Variants in ALPK2 observed in about 807,000 individuals in gnomAD.
The protein encoded by ALPK2 is alpha-protein kinase 2.
Under a neutral mutation model 163.1 loss-of-function variants are expected in ALPK2, and 127 were observed. The observed-to-expected ratio is 0.78, with a 90% CI of 0.67 to 0.90. The LOEUF (loss-of-function observed/expected upper bound fraction) is 0.90, where lower values mean the gene tolerates loss of function less well. ALPK2 is among the 40% of genes least tolerant of loss of function. ALPK2 has a pLI of 0.00. For missense variants in ALPK2, 2,360 were observed against 2,589.6 expected (o/e 0.91, Z 1.92); for synonymous variants, 953 against 959.1 (o/e 0.99, Z 0.12).
At chr18:58,559,123 T>C (rs186214613) in intron 4 of ALPK2, among the ~76,000 whole-genome samples, 6 of 152,326 alleles carry the variant, frequency 3.9e-5, no homozygotes, top group Non-Finnish European at 7.4e-5. Flanking sequence ...CCAACTGTGA[T>C]TAGTGATGGT....
intron 1 of ALPK2, among the ~76,000 whole-genome samples, chr18:58,622,390 G>C (rs1352751428): frequency 2.0e-5 from 3 of 152,116 alleles, no homozygotes; most frequent in African/African-American, 7.2e-5. Flanking sequence ...CTGTGTGAGA[G>C]TTTAGTACCT....
intron 1 of ALPK2, among the ~76,000 whole-genome samples, chr18:58,619,793 A>G (rs2052188509): frequency 2.0e-5 from 3 of 152,216 alleles, no homozygotes; most frequent in Admixed American, 2.0e-4. Flanking sequence ...TTCCACTCCA[A>G]GTTATCTTCC....
chr18:58,625,212 C>T (rs1193351613), intron 1 of ALPK2, among the ~76,000 whole-genome samples: 2 of 150,002 alleles, frequency 1.3e-5, no homozygotes, highest in Non-Finnish European at 3.0e-5. Context: ...CCCCTAAAAA[C>T]TAGAGACCAT....
At chr18:58,590,393 C>T (rs1391991786) in intron 3 of ALPK2, among the ~76,000 whole-genome samples, 1 of 152,074 alleles carries the variant, frequency 6.6e-6, no homozygotes, top group Non-Finnish European at 1.5e-5. Flanking sequence ...GCCAGGAATG[C>T]AGGGGGAGGG....
At chr18:58,584,970 C>G (rs79074808) in intron 3 of ALPK2, among the ~76,000 whole-genome samples, 3 of 152,174 alleles carry the variant, frequency 2.0e-5, no homozygotes, top group African/African-American at 7.2e-5. Context: ...ATTGAATTCC[C>G]TCCTTGCATG....
chr18:58,537,478 A>G lies in ALPK2; in HGVS notation c.2709T>C (p.Ser903=). The change falls in exon 5 of 13, where the codon AGT becomes AGC. Residue 903 remains serine, a synonymous_variant. Coordinates refer to ENST00000361673, the MANE Select transcript of ALPK2 (RefSeq NM_052947.4). ...TFTLNISHTA[S]EGATGENLAK... Reference sequence around the variant, plus strand: ...CTAGATTTTCTCCTGTGGCACCTTCACTAGCTGTGTGTGAAATGTTCAAGG... The same window carrying G: ...CTAGATTTTCTCCTGTGGCACCTTCGCTAGCTGTGTGTGAAATGTTCAAGG... The G allele has an allele frequency of 6.2e-7, 1 of 1,611,994 alleles. No homozygotes were observed.
chr18:58,623,253 A>C (rs548088846), intron 1 of ALPK2, among the ~76,000 whole-genome samples: 4 of 152,054 alleles, frequency 2.6e-5, no homozygotes, highest in Admixed American at 2.6e-4. Flanking sequence ...TTTTTTTTTA[A>C]TAGAGATGGG....
chr18:58,542,062 T>A (rs2051692526), intron 4 of ALPK2, among the ~76,000 whole-genome samples: 1 of 152,166 alleles, frequency 6.6e-6, no homozygotes, highest in Non-Finnish European at 1.5e-5. Flanking sequence ...GTAGGGAAAT[T>A]GTACTCATTC....
At chr18:58,544,533 G>C (rs1018488664) in intron 4 of ALPK2, 3 of 152,172 alleles carry the variant, frequency 2.0e-5, no homozygotes, top group African/African-American at 7.2e-5. Flanking sequence ...GATGTACATG[G>C]AAAACAAGAT....
intron 12 of ALPK2, among the ~76,000 whole-genome samples, chr18:58,497,609 C>T (rs963215326): frequency 1.3e-5 from 2 of 152,158 alleles, no homozygotes; most frequent in African/African-American, 4.8e-5. Flanking sequence ...TGTGAGCTGC[C>T]TAAAATACTT....
chr18:58,613,318 G>A (rs1474310796), intron 1 of ALPK2, among the ~76,000 whole-genome samples: 1 of 152,142 alleles, frequency 6.6e-6, no homozygotes, highest in Non-Finnish European at 1.5e-5. Context: ...AATTTGCAGG[G>A]CCCGGTTCAA....
At chr18:58,593,681 C>A (rs901565093) in intron 3 of ALPK2, among the ~76,000 whole-genome samples, 2 of 151,432 alleles carry the variant, frequency 1.3e-5, no homozygotes, top group African/African-American at 4.9e-5. Flanking sequence ...AGTTTAACAC[C>A]AGCCTGGCCA....
chr18:58,523,304 C>T (rs1208284173), intron 8 of ALPK2, among the ~76,000 whole-genome samples: 5 of 151,822 alleles, frequency 3.3e-5, no homozygotes. Flanking sequence ...TTTCTTAATC[C>T]AGTCTATCAT....
At chr18:58,597,166 T>G (rs962714330) in intron 3 of ALPK2, among the ~76,000 whole-genome samples, 1 of 152,128 alleles carries the variant, frequency 6.6e-6, no homozygotes, top group Non-Finnish European at 1.5e-5. Flanking sequence ...GGTGGGGACC[T>G]GTAATCCCAG....
At chr18:58,603,103 A>T (rs2052079621) in intron 3 of ALPK2, among the ~76,000 whole-genome samples, 1 of 152,240 alleles carries the variant, frequency 6.6e-6, no homozygotes, top group African/African-American at 2.4e-5. Flanking sequence ...CGAGCAGCCT[A>T]TACCGCTGCT....
At chr18:58,625,992 G>A (rs941897806) in intron 1 of ALPK2, among the ~76,000 whole-genome samples, 2 of 152,156 alleles carry the variant, frequency 1.3e-5, no homozygotes, top group African/African-American at 2.4e-5. Context: ...TTTCGTTTTC[G>A]CCAACCCTAA....
At chr18:58,540,850 A>G (rs1235578317) in intron 4 of ALPK2, among the ~76,000 whole-genome samples, 5 of 152,334 alleles carry the variant, frequency 3.3e-5, no homozygotes, top group Admixed American at 6.5e-5. Flanking sequence ...CTTCAGTTAA[A>G]AAGTTACTAT....
At position 58,585,412 on chromosome 18, in the gene ALPK2, A is replaced by G. The variant is rs115916730; in HGVS notation, c.228-4864T>C. Among the ~76,000 whole-genome samples, 833 of 152,316 alleles carry G rather than the reference A, an allele frequency of 5.5e-3. 8 individuals carry two copies. The highest frequency in any genetic ancestry group is 0.019 in the African/African-American group (807 of 41,578). On this transcript the variant is annotated intron_variant, in intron 3 of 12. Transcript: ENST00000361673. ...TAAGAGTAGTTTTAAATTTTTTCAT[A>G]TATCTTTAATATCAAGCTTAACAGA...
At chr18:58,569,630 A>T (rs2051874805) in intron 4 of ALPK2, among the ~76,000 whole-genome samples, 1 of 152,232 alleles carries the variant, frequency 6.6e-6, no homozygotes, top group African/African-American at 2.4e-5. Context: ...TTTATTGATT[A>T]TTTAACCCTG....
Sources: gnomAD v4.1 joint callset for allele counts (sites outside exome capture counted in the v4.1 genomes callset) on GRCh38, gnomAD v4.1.1 for gene constraint, MANE v1.5 for transcripts, NCBI Gene and HGNC (gene_info 2026-07-23, HGNC 2026-07-21) for gene names.